SEPTIN2: variants seen among roughly 807,000 people sequenced by gnomAD.
The protein encoded by SEPTIN2 is septin-2.
A neutral mutation model predicts 46.5 loss-of-function variants in SEPTIN2; 34 were observed. The observed-to-expected ratio is 0.73, with a 90% CI of 0.56 to 0.97. SEPTIN2 has a LOEUF of 0.97. Ranked by LOEUF, SEPTIN2 falls within the 50% of genes least tolerant of loss-of-function variation. SEPTIN2 has a pLI of 0.00. For synonymous variants in SEPTIN2, 175 were observed against 153.4 expected (o/e 1.14, Z -1.04); for missense variants, 347 against 448.4 (o/e 0.77, Z 2.04).
At chr2:241,337,156 C>A in intron 5 of SEPTIN2, 1 of 496,022 alleles carries the variant, frequency 2.0e-6, no homozygotes, top group Non-Finnish European at 3.5e-6. Context: ...TGCATCATAA[C>A]CTATTCCATT....
At chr2:241,336,393 C>A (rs918367742) in intron 5 of SEPTIN2, 2 of 346,710 alleles carry the variant, frequency 5.8e-6, no homozygotes, top group East Asian at 5.7e-5. Flanking sequence ...TGTAGTACAT[C>A]CTTTCTATGT....
intron 3 of SEPTIN2, among the ~76,000 whole-genome samples, chr2:241,333,165 G>A (rs954115176): frequency 6.6e-6 from 1 of 152,118 alleles, no homozygotes; most frequent in African/African-American, 2.4e-5. Context: ...GTAGTGAAAA[G>A]TAAAACTAGA....
chr2:241,343,158 A>G, intron 8 of SEPTIN2, 65 bp downstream of exon 8: 1 of 929,442 alleles, frequency 1.1e-6, no homozygotes, highest in Non-Finnish European at 1.7e-6. Flanking sequence ...TGTTGAGGTG[A>G]GAGAGATTGC....
chr2:241,319,971 T>C (rs1435997122), intron 1 of SEPTIN2, among the ~76,000 whole-genome samples: 1 of 152,250 alleles, frequency 6.6e-6, no homozygotes, highest in Non-Finnish European at 1.5e-5. Context: ...ATGCATGATT[T>C]TTTTTCCCCT....
chr2:241,346,392 T>C, intron 10 of SEPTIN2, 143 bp downstream of exon 10: 1 of 546,724 alleles, frequency 1.8e-6, no homozygotes, highest in Non-Finnish European at 3.2e-6. Context: ...AAAGAGTTGT[T>C]AATTTAATCA....
intron 3 of SEPTIN2, among the ~76,000 whole-genome samples, chr2:241,332,957 G>A (rs1051275566): frequency 1.3e-5 from 2 of 152,202 alleles, no homozygotes; most frequent in African/African-American, 4.8e-5. Flanking sequence ...TGCCTGCGGT[G>A]GGGACTGGAG....
intron 3 of SEPTIN2, among the ~76,000 whole-genome samples, chr2:241,330,087 C>T (rs1213662128): frequency 5.3e-5 from 8 of 152,142 alleles, no homozygotes; most frequent in Admixed American, 5.2e-4. Context: ...AAAGAGGAGC[C>T]TCTACTTTTT....
intron 12 of SEPTIN2, 67 bp downstream of exon 12, chr2:241,350,270 C>CACA: frequency 1.1e-6 from 1 of 883,860 alleles, no homozygotes; most frequent in South Asian, 1.8e-5. Context: ...TTAAATATGA[C>CACA]AGGTTCCTCC....
chr2:241,339,057 A>G (rs1312592483), intron 7 of SEPTIN2, among the ~76,000 whole-genome samples: 1 of 132,390 alleles, frequency 7.6e-6, no homozygotes, highest in Non-Finnish European at 1.5e-5. Flanking sequence ...ATTTTTATAT[A>G]TTATATATAT....
intron 7 of SEPTIN2, among the ~76,000 whole-genome samples, chr2:241,340,462 G>C (rs2081102751): frequency 6.6e-6 from 1 of 152,110 alleles, no homozygotes; most frequent in Non-Finnish European, 1.5e-5. Flanking sequence ...ATGTTTGGCA[G>C]CCTTTTCCTA....
rs112433771 is a variant in SEPTIN2 at position 241,329,971 on chromosome 2, C to T, written c.130+3858C>T. Reference sequence around the variant, plus strand: ...AGAACATAAAGTACTTTGATTTCCTCATTACGGCCAGCAGATATTTAAGAA... The same window carrying T: ...AGAACATAAAGTACTTTGATTTCCTTATTACGGCCAGCAGATATTTAAGAA... On this transcript the variant is annotated intron_variant, in intron 3 of 12. Transcript: ENST00000391971. 9.6e-4 allele frequency among the ~76,000 whole-genome samples: 146 copies of T among 152,328 alleles called. 2 individuals are homozygous for T. Among genetic ancestry groups the T allele is most frequent in the African/African-American group, 3.1e-3 (127 of 41,578 alleles).
Position 241,326,057 on chromosome 2 carries a change from A to G in SEPTIN2, c.74A>G (p.Asn25Ser). The change falls in exon 3 of 13, where the codon AAT (asparagine) becomes AGT (serine). Residue 25 changes from asparagine (N) to serine (S), a missense_variant. Coordinates refer to ENST00000391971, the MANE Select transcript of SEPTIN2 (RefSeq NM_004404.5). ...TATGTTGGATTTGCAAACCTCCCCA[A>G]TCAAGTTCACCGAAAATCAGTGAAA... ...PGYVGFANLP[N>S]QVHRKSVKKG... is the part of the protein sequence containing the mutation. 1 of 1,613,826 alleles carries G rather than the reference A, an allele frequency of 6.2e-7. No individual in the cohort carries two copies. The highest frequency in any genetic ancestry group is 8.5e-7 in the Non-Finnish European group (1 of 1,179,806).
chr2:241,341,667 G>A lies in SEPTIN2; in HGVS notation c.595-1325G>A, dbSNP rs1322475186. ...AGAGGAGGGCCTTTTCTGGAGTTCT[G>A]AATTAGTGCAGACATTGTACTAAGA... On this transcript the variant is annotated intron_variant, in intron 7 of 12. Transcript: ENST00000391971. Among the ~76,000 whole-genome samples the A allele has an allele frequency of 4.6e-5, 7 of 152,222 alleles. No individual in the cohort carries two copies. The East Asian group carries it at 1.3e-3, about 29-fold the overall frequency.
intron 2 of SEPTIN2, chr2:241,324,512 G>A (rs573223659): frequency 9.0e-5 from 42 of 466,788 alleles, no homozygotes; most frequent in African/African-American, 7.0e-4. Context: ...CTCAGCCTCC[G>A]GAGTAGCTGG....
In SEPTIN2 at chr2:241,350,184, C is replaced by T. The variant is rs2060656837; in HGVS notation, c.*10C>T. ...CGGGCACCACGTGTAAGGTGATGTGCACATATCAAGAAGTCAGAGGTAGGC... is the reference window on the plus strand; with the variant it reads ...CGGGCACCACGTGTAAGGTGATGTGTACATATCAAGAAGTCAGAGGTAGGC... On this transcript the variant is annotated 3_prime_UTR_variant, in exon 12 of 13. Coordinates refer to ENST00000391971, the MANE Select transcript of SEPTIN2 (RefSeq NM_004404.5). 4 of 1,600,958 alleles carry T rather than the reference C, an allele frequency of 2.5e-6. No homozygotes were observed. Among genetic ancestry groups the T allele is most frequent in the Non-Finnish European group, 3.4e-6 (4 of 1,173,626 alleles).
chr2:241,324,013 A>C (rs1182107656), intron 1 of SEPTIN2: 1 of 537,256 alleles, frequency 1.9e-6, no homozygotes, highest in Non-Finnish European at 3.3e-6. Flanking sequence ...AAAAGTAGTG[A>C]TGTTACACGA....
rs372087793 is a variant in SEPTIN2, at chr2:241,343,783, A to G, written c.728A>G (p.Asn243Ser). ...ASIPFSVVGS[N>S]QLIEAKGKKV... is the part of the protein sequence containing the mutation. Reference sequence around the variant, plus strand: ...ATCCCATTCTCTGTGGTTGGATCCAATCAGTTGATTGAAGCCAAAGGAAAG... The same window carrying G: ...ATCCCATTCTCTGTGGTTGGATCCAGTCAGTTGATTGAAGCCAAAGGAAAG... The change falls in exon 9 of 13, where the codon AAT (asparagine) becomes AGT (serine). Residue 243 changes from asparagine to serine, a missense_variant. Coordinates refer to ENST00000391971, the MANE Select transcript of SEPTIN2 (RefSeq NM_004404.5). 5 of 1,614,024 alleles carry G rather than the reference A, an allele frequency of 3.1e-6. No individual in the cohort carries two copies. Among genetic ancestry groups the G allele is most frequent in the African/African-American group, 2.7e-5 (2 of 74,904 alleles).
In SEPTIN2 at chr2:241,326,127, C is replaced by A; in HGVS notation, c.130+14C>A. The A allele has an allele frequency of 6.2e-7, 1 of 1,608,722 alleles. No homozygotes were observed. Among genetic ancestry groups the A allele is most frequent in the Non-Finnish European group, 8.5e-7 (1 of 1,177,122 alleles). On this transcript the variant is annotated intron_variant, in intron 3 of 12. Transcript: ENST00000391971. ...TGATGGTGGTCGGTAAGAAATTAAT[C>A]TATAGTCTCCAACTTACTAAATAAA...
In SEPTIN2 at chr2:241,348,967, A is replaced by G. The variant is rs191721342; in HGVS notation, c.984+776A>G. Among the ~76,000 whole-genome samples the G allele has an allele frequency of 1.2e-4, 18 of 152,378 alleles. No individual in the cohort carries two copies. In the East Asian group the frequency reaches 3.3e-3, roughly 28 times the overall value. The stretch of plus-strand genomic sequence containing the variant: ...ATATTTAAATGTTAAAAATAACCAC[A>G]AAGTCACCTGAAGAAAATTTAAATG... On this transcript the variant is annotated intron_variant, in intron 11 of 12. Transcript: ENST00000391971.
Sources: gnomAD v4.1 joint callset for allele counts (sites outside exome capture counted in the v4.1 genomes callset) on GRCh38, gnomAD v4.1.1 for gene constraint, MANE v1.5 for transcripts, NCBI Gene and HGNC (gene_info 2026-07-23, HGNC 2026-07-21) for gene names.